Variants in PPIP5K2 observed in about 807,000 individuals in gnomAD.
PPIP5K2 encodes inositol hexakisphosphate and diphosphoinositol-pentakisphosphate kinase 2.
A neutral mutation model predicts 154.6 loss-of-function variants in PPIP5K2; 105 were observed. That is an observed-to-expected ratio of 0.68 (90% CI 0.58 to 0.80). The LOEUF (loss-of-function observed/expected upper bound fraction) is 0.80. PPIP5K2 is among the 30% of genes least tolerant of loss of function. The pLI is 0.00. For synonymous variants in PPIP5K2, 480 were observed against 490.3 expected, an observed-to-expected ratio of 0.98 and a Z score of 0.28; for missense variants, 992 against 1,504.6, an observed-to-expected ratio of 0.66 and a Z score of 5.64.
intron 23 of PPIP5K2, 142 bp from the exon 24 acceptor site, chr5:103,179,879 A>G (rs1799245663): frequency 3.3e-6 from 2 of 611,468 alleles, no homozygotes; most frequent in Non-Finnish European, 5.1e-6. Context: ...CTGTTAGAAG[A>G]GTTCAATTAA....
chr5:103,187,993 A>T (rs1366783773), intron 28 of PPIP5K2, among the ~76,000 whole-genome samples: 1 of 152,152 alleles, frequency 6.6e-6, no homozygotes, highest in Non-Finnish European at 1.5e-5. Context: ...ATTATCAAGC[A>T]ACTAATTCCT....
chr5:103,131,623 T>G (rs1374783867), intron 2 of PPIP5K2, among the ~76,000 whole-genome samples: 1 of 152,198 alleles, frequency 6.6e-6, no homozygotes, highest in African/African-American at 2.4e-5. Flanking sequence ...TATTATCACT[T>G]TACAGAAGCT....
In PPIP5K2 at chr5:103,187,322, C is replaced by G; in HGVS notation, c.3298C>G (p.Arg1100Gly). Residue 1100 changes from arginine to glycine, a missense_variant, in exon 28 of 31, where the codon CGC becomes GGC. Physicochemically the swap from Arg to Gly is moderately radical, Grantham distance 125 (BLOSUM62 -2). Around this residue, in one of 9 missense-constraint regions of PPIP5K2, gnomAD observed 204 missense variants for 224.0 expected, o/e 0.91. Coordinates refer to ENST00000358359, the MANE Select transcript of PPIP5K2 (RefSeq NM_001276277.3). ...TSSGCIDDAT[R>G]GSAVKRFSIS... ...GTTTTTCTCTTTCTTAGACGCCACA[C>G]GCGGTTCTGCTGTTAAAAGGTTTTC... The G allele has an allele frequency of 6.5e-7, 1 of 1,535,010 alleles. No homozygotes were observed. Among genetic ancestry groups the G allele is most frequent in the Non-Finnish European group, 8.7e-7 (1 of 1,145,990 alleles).
chr5:103,153,613 G>A (rs561569793), intron 10 of PPIP5K2, among the ~76,000 whole-genome samples: 3 of 151,900 alleles, frequency 2.0e-5, no homozygotes, highest in African/African-American at 7.2e-5. Flanking sequence ...AGAAGAAAAG[G>A]TTGTATTCTA....
chr5:103,159,490 T>C (rs1795896508), intron 17 of PPIP5K2, among the ~76,000 whole-genome samples, 162 bp downstream of exon 17: 1 of 152,180 alleles, frequency 6.6e-6, no homozygotes, highest in Non-Finnish European at 1.5e-5. Context: ...TTGGCTTCTG[T>C]ATGCCCCTTT....
intron 28 of PPIP5K2, 115 bp from the exon 29 acceptor site, chr5:103,190,727 T>TTCAGA: frequency 2.1e-5 from 18 of 847,074 alleles, no homozygotes; most frequent in Non-Finnish European, 3.1e-5. Flanking sequence ...TGTTTGCATG[T>TTCAGA]GATAGACTGA....
chr5:103,170,458 T>A (rs889090247), intron 19 of PPIP5K2, among the ~76,000 whole-genome samples: 3 of 151,592 alleles, frequency 2.0e-5, no homozygotes, highest in African/African-American at 4.8e-5. Flanking sequence ...TTTTAAATCG[T>A]TTGACTCTTC....
At chr5:103,162,689 T>G (rs184424152) in intron 17 of PPIP5K2, among the ~76,000 whole-genome samples, 116 of 152,252 alleles carry the variant, frequency 7.6e-4, no homozygotes, top group African/African-American at 2.7e-3. Flanking sequence ...AAGCAAAAGT[T>G]ATAGTTTTTC....
intron 5 of PPIP5K2, 55 bp from the exon 6 acceptor site, chr5:103,146,472 C>A: frequency 1.3e-6 from 2 of 1,556,424 alleles, no homozygotes; most frequent in Non-Finnish European, 1.7e-6. Context: ...AATGTGGTGT[C>A]CTGATAATAT....
At chr5:103,125,722 C>T (rs1554200508) in intron 1 of PPIP5K2, among the ~76,000 whole-genome samples, 1 of 152,142 alleles carries the variant, frequency 6.6e-6, no homozygotes, top group Non-Finnish European at 1.5e-5. Context: ...CAACCTCCAC[C>T]TCCAGGGTTC....
intron 19 of PPIP5K2, among the ~76,000 whole-genome samples, chr5:103,170,815 G>A (rs1347934618): frequency 6.6e-6 from 1 of 151,396 alleles, no homozygotes; most frequent in Non-Finnish European, 1.5e-5. Context: ...AATTTATAAT[G>A]AAAATGTGGT....
chr5:103,142,859 T>G (rs1793071223), intron 5 of PPIP5K2, among the ~76,000 whole-genome samples: 1 of 151,940 alleles, frequency 6.6e-6, no homozygotes, highest in Admixed American at 6.6e-5. Context: ...TACATAATAC[T>G]CTAACACTGT....
chr5:103,173,189 T>G lies in PPIP5K2; in HGVS notation c.2321T>G (p.Ile774Ser). 1 of 1,609,200 alleles carries G rather than the reference T, an allele frequency of 6.2e-7. No homozygotes were observed. Among genetic ancestry groups the G allele is most frequent in the Non-Finnish European group, 8.5e-7 (1 of 1,177,670 alleles). Reference sequence around the variant, plus strand: ...ATAACTAAAGCTGAAAAACTGGAGATTGCCAAAGGCTACTGTACTCCTCTG... The same window carrying G: ...ATAACTAAAGCTGAAAAACTGGAGAGTGCCAAAGGCTACTGTACTCCTCTG... The part of the protein sequence containing the change: ...YGITKAEKLE[I>S]AKGYCTPLVR... The change falls in exon 20 of 31, where the codon ATT (isoleucine) becomes AGT (serine). Residue 774 changes from isoleucine (I) to serine (S), a missense_variant. Ile to Ser is a moderately radical substitution (Grantham distance 142). Transcript: ENST00000358359.
chr5:103,155,155 A>G (rs1795205974), intron 13 of PPIP5K2, among the ~76,000 whole-genome samples: 1 of 152,096 alleles, frequency 6.6e-6, no homozygotes, highest in Admixed American at 6.6e-5. Flanking sequence ...AGATTAAACA[A>G]GGACATCAAA....
At chr5:103,183,172 T>C (rs1246754092) in intron 24 of PPIP5K2, 62 bp from the exon 25 acceptor site, 4 of 1,182,912 alleles carry the variant, frequency 3.4e-6, no homozygotes, top group Non-Finnish European at 4.4e-6. Flanking sequence ...CTTTGCATGC[T>C]CTGCTTTTTT....
At chr5:103,159,066 T>C in intron 16 of PPIP5K2, 80 bp from the exon 17 acceptor site, 1 of 984,682 alleles carries the variant, frequency 1.0e-6, no homozygotes, top group South Asian at 2.7e-5. Flanking sequence ...ACTTATACTT[T>C]ATGAAAATCA....
intron 17 of PPIP5K2, among the ~76,000 whole-genome samples, chr5:103,166,562 G>A (rs1384938675): frequency 1.3e-5 from 2 of 151,942 alleles, no homozygotes; most frequent in Non-Finnish European, 2.9e-5. Flanking sequence ...CTAAATGGCT[G>A]GTATCATCGC....
intron 17 of PPIP5K2, among the ~76,000 whole-genome samples, chr5:103,166,658 C>A (rs1279519854): frequency 6.6e-6 from 1 of 151,938 alleles, no homozygotes; most frequent in Non-Finnish European, 1.5e-5. Context: ...TTTCCACATA[C>A]TTTCTGGAAG....
chr5:103,137,740 T>A (rs1387872006), intron 4 of PPIP5K2, among the ~76,000 whole-genome samples: 1 of 152,174 alleles, frequency 6.6e-6, no homozygotes, highest in African/African-American at 2.4e-5. Flanking sequence ...ACTTTATTTT[T>A]TTCTATTCTT....
Sources: allele counts gnomAD v4.1 joint callset (sites outside exome capture counted in the v4.1 genomes callset), GRCh38; gene constraint gnomAD v4.1.1; regional missense constraint gnomAD v4.1.1; transcripts MANE v1.5; gene names NCBI Gene and HGNC (gene_info 2026-07-23, HGNC 2026-07-21).